Variants in FREM2 observed in about 807,000 individuals in gnomAD.
FREM2 encodes FRAS1 related extracellular matrix 2.
In FREM2, 119 loss-of-function variants were observed where a neutral mutation model predicts 219.9. The observed-to-expected ratio is 0.54, with a 90% CI of 0.47 to 0.63. FREM2 has a LOEUF of 0.63. Ranked by LOEUF, FREM2 falls within the 30% of genes least tolerant of loss-of-function variation. The pLI, the probability that FREM2 is intolerant of heterozygous loss-of-function variation, is 0.00. For synonymous variants in FREM2, 1,562 were observed against 1,522.8 expected, an observed-to-expected ratio of 1.03 and a Z score of -0.60; for missense variants, 4,030 against 3,993.6, an observed-to-expected ratio of 1.01 and a Z score of -0.25.
At chr13:38,770,055 A>G (rs926906147) in intron 4 of FREM2, among the ~76,000 whole-genome samples, 3 of 148,080 alleles carry the variant, frequency 2.0e-5, no homozygotes, top group Admixed American at 6.8e-5. Flanking sequence ...TATAAATTGT[A>G]TTAATAGATT....
intron 6 of FREM2, among the ~76,000 whole-genome samples, chr13:38,799,900 T>C (rs1165997419): frequency 6.6e-6 from 1 of 152,184 alleles, no homozygotes; most frequent in African/African-American, 2.4e-5. Flanking sequence ...AGCATATATT[T>C]GAATTGTTTT....
At chr13:38,798,849 G>A (rs1874894969) in intron 6 of FREM2, among the ~76,000 whole-genome samples, 1 of 151,686 alleles carries the variant, frequency 6.6e-6, no homozygotes, top group South Asian at 2.1e-4. Flanking sequence ...TGTTTATTTG[G>A]GTCTTCTATC....
intron 16 of FREM2, among the ~76,000 whole-genome samples, chr13:38,870,524 T>TCAAA (rs1271367864): frequency 1.6e-4 from 24 of 145,530 alleles, no homozygotes; most frequent in Non-Finnish European, 3.6e-4. Context: ...ATTAAGTGCT[T>TCAAA]TTTAAGTTGA....
At chr13:38,803,771 A>G (rs1342718506) in intron 6 of FREM2, among the ~76,000 whole-genome samples, 1 of 150,066 alleles carries the variant, frequency 6.7e-6, no homozygotes, top group Non-Finnish European at 1.5e-5. Context: ...AGGCACATGT[A>G]AAAGGCAACA....
At position 38,764,320 on chromosome 13, in the gene FREM2, G is replaced by C. The variant is rs139030731; in HGVS notation, c.5280G>C (p.Thr1760=). 2 of 1,611,844 alleles carry C rather than the reference G, an allele frequency of 1.2e-6. No individual in the cohort carries two copies. Among genetic ancestry groups the C allele is most frequent in the Non-Finnish European group, 8.5e-7 (1 of 1,178,154 alleles). Residue 1760 remains threonine, a synonymous_variant, in exon 3 of 24, where the codon ACG becomes ACC. Transcript: ENST00000280481. ...ATTTTCAAGGTGGAAACAAGTTAACGTACCAGAATTTTCGTCTGAATTGGG... is the reference window on the plus strand; with the variant it reads ...ATTTTCAAGGTGGAAACAAGTTAACCTACCAGAATTTTCGTCTGAATTGGG... ...AVEDGGGNKL[T]YQNFRLNWAW... is the part of the protein sequence containing the mutation.
intron 2 of FREM2, among the ~76,000 whole-genome samples, chr13:38,761,535 A>G (rs1281958440): frequency 6.6e-6 from 1 of 152,226 alleles, no homozygotes; most frequent in African/African-American, 2.4e-5. Flanking sequence ...TATTGGCAAT[A>G]ATGAAAGAAT....
chr13:38,855,122 TAAG>T (rs1877507825), intron 11 of FREM2, among the ~76,000 whole-genome samples: 1 of 145,672 alleles, frequency 6.9e-6, no homozygotes, highest in African/African-American at 2.7e-5. Flanking sequence ...AATGAGTGGT[TAAG>T]AAAATAATTC....
chr13:38,702,794 G>A (rs1251284093), intron 2 of FREM2, among the ~76,000 whole-genome samples: 3 of 152,070 alleles, frequency 2.0e-5, no homozygotes, highest in African/African-American at 7.2e-5. Context: ...TGCAGTCTCA[G>A]TGAGTTCTGC....
chr13:38,813,120 C>T (rs889050373), intron 6 of FREM2, among the ~76,000 whole-genome samples: 65 of 151,970 alleles, frequency 4.3e-4, no homozygotes, highest in African/African-American at 1.5e-3. Flanking sequence ...TTATACTATT[C>T]TGTGTTTTTC....
Position 38,851,596 on chromosome 13 carries a change from C to G in FREM2, c.6743-90C>G, listed in dbSNP as rs182108192. On this transcript the variant is annotated intron_variant, in intron 10 of 23. Transcript: ENST00000280481. ...AGCCAGGAGTGTAATAGTCATTTAT[C>G]CCCTCCCACATGGAAACAAACATTA... The G allele has an allele frequency of 7.3e-5, 73 of 998,324 alleles. No homozygotes were observed. In the East Asian group the frequency reaches 1.7e-3, roughly 23 times the overall value. The allele number at this position is 998,324 out of a possible 1,614,324, so 61.8% of individuals were successfully genotyped here. A position where few individuals can be genotyped will look rare whatever the true frequency, so the allele number is the denominator to read the frequency against.
chr13:38,883,360 A>G lies in FREM2; in HGVS notation c.*2573A>G, dbSNP rs1455133981. 2.0e-5 allele frequency: 3 copies of G among 152,126 alleles called. No homozygotes were observed. Among genetic ancestry groups the G allele is most frequent in the African/African-American group, 4.8e-5 (2 of 41,456 alleles). The allele number at this position is 152,126 out of a possible 1,614,324, so 9.4% of individuals were successfully genotyped here. On this transcript the variant is annotated 3_prime_UTR_variant, in exon 24 of 24. Coordinates refer to ENST00000280481, the MANE Select transcript of FREM2 (RefSeq NM_207361.6). ...ATGTTTAGCATTTTGTTTTTAGAGA[A>G]CTATTCTGGTACTATCAGAACAAAT...
intron 18 of FREM2, among the ~76,000 whole-genome samples, chr13:38,875,118 C>G (rs1286487390): frequency 6.6e-6 from 1 of 151,860 alleles, no homozygotes; most frequent in Non-Finnish European, 1.5e-5. Context: ...AACAAGGCAG[C>G]AGTCGATAAA....
intron 6 of FREM2, among the ~76,000 whole-genome samples, chr13:38,815,235 G>A (rs373120928): frequency 2.0e-5 from 3 of 152,066 alleles, no homozygotes; most frequent in Admixed American, 2.0e-4. Flanking sequence ...GTTTTACTGG[G>A]TTCCTTGTAT....
chr13:38,693,909 T>A (rs180848519), intron 1 of FREM2, among the ~76,000 whole-genome samples: 1 of 152,246 alleles, frequency 6.6e-6, no homozygotes, highest in East Asian at 1.9e-4. Flanking sequence ...AGTAGGAAAC[T>A]TTTATGTGAA....
intron 3 of FREM2, among the ~76,000 whole-genome samples, chr13:38,766,108 C>G (rs1037218968): frequency 2.6e-5 from 4 of 152,204 alleles, no homozygotes; most frequent in Admixed American, 1.3e-4. Context: ...TGAGTTCCCA[C>G]TCCTGGTGAG....
chr13:38,813,563 CTATATATA>C (rs71074484), intron 6 of FREM2, among the ~76,000 whole-genome samples: 3 of 5,100 alleles, frequency 5.9e-4, no homozygotes, highest in Admixed American at 4.1e-3. Context: ...CTCTCTCTCT[CTATATATA>C]TATATATATA....
chr13:38,834,485 C>A (rs1876634672), intron 6 of FREM2, among the ~76,000 whole-genome samples: 1 of 152,132 alleles, frequency 6.6e-6, no homozygotes, highest in African/African-American at 2.4e-5. Context: ...ATTGCTGGGT[C>A]AAATGGTATT....
chr13:38,858,825 G>A (rs1877653915), intron 13 of FREM2, among the ~76,000 whole-genome samples: 1 of 152,114 alleles, frequency 6.6e-6, no homozygotes, highest in Non-Finnish European at 1.5e-5. Context: ...CAGGTTAACA[G>A]GGCAGTCGTG....
chr13:38,784,665 A>G lies in FREM2; in HGVS notation c.5876A>G (p.Lys1959Arg). The change falls in exon 6 of 24, where the codon AAA becomes AGA. Residue 1959 changes from lysine to arginine, a missense_variant. Transcript: ENST00000280481. ...VVRFDKDEREKLCRIVIIDDS... is the reference protein window; with the variant it reads ...VVRFDKDERERLCRIVIIDDS... The stretch of plus-strand genomic sequence containing the variant: ...CGCTTTGACAAAGATGAACGGGAGA[A>G]ACTGTGTCGGATAGTCATAATTGAT... The G allele has an allele frequency of 6.2e-7, 1 of 1,614,164 alleles. No individual in the cohort carries two copies. The highest frequency in any genetic ancestry group is 8.5e-7 in the Non-Finnish European group (1 of 1,180,004).
Sources: allele counts gnomAD v4.1 joint callset (sites outside exome capture counted in the v4.1 genomes callset), GRCh38; gene constraint gnomAD v4.1.1; transcripts MANE v1.5; gene names NCBI Gene and HGNC (gene_info 2026-07-23, HGNC 2026-07-21).